Variants in KCNIP2 observed in about 807,000 individuals in gnomAD.
The protein encoded by KCNIP2 is potassium voltage-gated channel interacting protein 2.
A neutral mutation model predicts 39.0 loss-of-function variants in KCNIP2; 19 were observed. That is an observed-to-expected ratio of 0.49 (90% CI 0.34 to 0.71). The LOEUF is 0.71. Among genes scored for constraint, KCNIP2 ranks in the 30% least tolerant of loss-of-function variants. The pLI, the probability that KCNIP2 is intolerant of heterozygous loss-of-function variation, is 0.01. For missense variants in KCNIP2, 261 were observed against 346.0 expected, an observed-to-expected ratio of 0.75 and a Z score of 1.95; for synonymous variants, 111 against 131.2, an observed-to-expected ratio of 0.85 and a Z score of 1.05.
intron 2 of KCNIP2, chr10:101,830,566 C>T (rs2065938473): frequency 4.1e-6 from 3 of 729,538 alleles, no homozygotes; most frequent in South Asian, 3.7e-5. Context: ...TGACACACAC[C>T]CGCTCCCAAC....
At chr10:101,827,581 A>G (rs1355371948) in intron 9 of KCNIP2, 108 bp downstream of exon 9, 7 of 1,370,592 alleles carry the variant, frequency 5.1e-6, no homozygotes, top group Admixed American at 1.7e-5. Flanking sequence ...GGATTGAAAT[A>G]TGGGGGTGAG....
At position 101,827,416 on chromosome 10, in the gene KCNIP2, G is replaced by A. The variant is rs1462235585; in HGVS notation, c.766-16C>T. 4 of 1,599,366 alleles carry A rather than the reference G, an allele frequency of 2.5e-6. No individual in the cohort carries two copies. The highest frequency in any genetic ancestry group is 3.4e-6 in the Non-Finnish European group (4 of 1,169,142). On this transcript the variant is annotated splice_polypyrimidine_tract_variant and intron_variant, in intron 9 of 9. Coordinates refer to ENST00000356640, the MANE Select transcript of KCNIP2 (RefSeq NM_173191.3). ...TGTTCTCATCCTGTGGCCATGATGT[G>A]AGCGAGGCAGATTGAAGAGAGAGAA...
At chr10:101,829,973 A>C in intron 2 of KCNIP2, 76 bp from the exon 3 acceptor site, 3 of 1,507,102 alleles carry the variant, frequency 2.0e-6, no homozygotes, top group Non-Finnish European at 2.7e-6. Context: ...CCTCACACTC[A>C]GAGCAAACCT....
At chr10:101,830,586 C>T in intron 2 of KCNIP2, 1 of 579,018 alleles carries the variant, frequency 1.7e-6, no homozygotes, top group Non-Finnish European at 2.7e-6. Flanking sequence ...CTGACCACGC[C>T]CACACACGCT....
At chr10:101,829,698 C>CCCCCA in intron 3 of KCNIP2, 146 bp downstream of exon 3, 1 of 486,284 alleles carries the variant, frequency 2.1e-6, no homozygotes, top group Non-Finnish European at 3.5e-6. Context: ...CCCCGCCCAG[C>CCCCCA]TCAGCCAACC....
chr10:101,841,500 A>G (rs904576922), intron 1 of KCNIP2, among the ~76,000 whole-genome samples: 16 of 152,092 alleles, frequency 1.1e-4, no homozygotes, highest in Middle Eastern at 3.2e-3. Flanking sequence ...TGGTAGTCCT[A>G]TTTCTACTTT....
In KCNIP2 at chr10:101,827,903, C is replaced by T. The variant is rs1382030903; in HGVS notation, c.688G>A (p.Glu230Lys). 3.1e-6 allele frequency: 5 copies of T among 1,613,364 alleles called. No individual in the cohort carries two copies. Among genetic ancestry groups the T allele is most frequent in the Non-Finnish European group, 4.2e-6 (5 of 1,179,404 alleles). ...CTCCCAAGTACCTGGAAGAAGCTCTCCACGTGTTCCCTTGGGGCCTCCTCC... is the reference window on the plus strand; with the variant it reads ...CTCCCAAGTACCTGGAAGAAGCTCTTCACGTGTTCCCTTGGGGCCTCCTCC... ...LREEAPREHV[E>K]SFFQKMDRNK... Residue 230 changes from glutamate (E) to lysine (K), a missense_variant, in exon 8 of 10, where the codon GAG (glutamate) becomes AAG (lysine). Glu to Lys is a moderately conservative substitution (Grantham distance 56). Coordinates refer to ENST00000356640, the MANE Select transcript of KCNIP2 (RefSeq NM_173191.3).
chr10:101,835,760 G>T (rs1355564548), intron 1 of KCNIP2, among the ~76,000 whole-genome samples: 3 of 152,104 alleles, frequency 2.0e-5, no homozygotes, highest in African/African-American at 7.2e-5. Flanking sequence ...ACCGCTGCTG[G>T]CTAACGGTGA....
Position 101,827,930 on chromosome 10 carries a change from G to A in KCNIP2, c.661C>T (p.Arg221Trp), listed in dbSNP as rs201481729. 1.1e-5 allele frequency: 17 copies of A among 1,613,924 alleles called. No homozygotes were observed. Among genetic ancestry groups the A allele is most frequent in the Non-Finnish European group, 9.3e-6 (11 of 1,179,942 alleles). ...ACGTGTTCCCTTGGGGCCTCCTCCCGGAGTGCAGGGTACGTGTACTTGCCC... is the reference window on the plus strand; with the variant it reads ...ACGTGTTCCCTTGGGGCCTCCTCCCAGAGTGCAGGGTACGTGTACTTGCCC... ...MMGKYTYPAL[R>W]EEAPREHVES... Residue 221 changes from arginine (R) to tryptophan (W), a missense_variant, in exon 8 of 10, where the codon CGG (arginine) becomes TGG (tryptophan). By Grantham distance (101) the Arg-to-Trp change is moderately radical (BLOSUM62 -3). Coordinates refer to ENST00000356640, the MANE Select transcript of KCNIP2 (RefSeq NM_173191.3).
At position 101,827,158 on chromosome 10, in the gene KCNIP2, C is replaced by T. The variant is rs1446690006; in HGVS notation, c.*195G>A. The stretch of plus-strand genomic sequence containing the variant: ...GCTGGTGGGAGTTGGGAACACCCCC[C>T]GAGATGCACTCTGCCCACTCTCTGG... On this transcript the variant is annotated 3_prime_UTR_variant, in exon 10 of 10. Transcript: ENST00000356640. 11 of 1,271,390 alleles carry T rather than the reference C, an allele frequency of 8.7e-6. No individual in the cohort carries two copies. Among genetic ancestry groups the T allele is most frequent in the Non-Finnish European group, 1.0e-5 (10 of 1,000,278 alleles). 78.8% of individuals were successfully genotyped at this position (1,271,390 alleles called of 1,614,324 possible). A position where few individuals can be genotyped will look rare whatever the true frequency, so the allele number is the denominator to read the frequency against.
At chr10:101,840,401 A>G (rs1300395236) in intron 1 of KCNIP2, among the ~76,000 whole-genome samples, 1 of 151,980 alleles carries the variant, frequency 6.6e-6, no homozygotes, top group Non-Finnish European at 1.5e-5. Flanking sequence ...AAGAGGCAGC[A>G]GAGTTGTGCC....
In KCNIP2 at chr10:101,831,300, A is replaced by T. The variant is rs924300896; in HGVS notation, c.74-133T>A. On this transcript the variant is annotated intron_variant, in intron 1 of 9. Coordinates refer to ENST00000356640, the MANE Select transcript of KCNIP2 (RefSeq NM_173191.3). ...GGGAGGAATTAAGGGGAGGAAAGGA[A>T]TGGCAAGGGTGGTTGGAATCGGGTT... The T allele has an allele frequency of 2.4e-5, 17 of 696,496 alleles. No homozygotes were observed. The African/African-American group carries it at 2.9e-4, about 12-fold the overall frequency. The allele number at this position is 696,496 out of a possible 1,614,324, so 43.1% of individuals were successfully genotyped here.
chr10:101,840,763 T>C (rs937861121), intron 1 of KCNIP2, among the ~76,000 whole-genome samples: 4 of 152,140 alleles, frequency 2.6e-5, no homozygotes, highest in Non-Finnish European at 1.5e-5. Flanking sequence ...ACCTCCTAAC[T>C]CTGGGCAAAT....
At chr10:101,840,546 C>A (rs1263778294) in intron 1 of KCNIP2, among the ~76,000 whole-genome samples, 1 of 30,670 alleles carries the variant, frequency 3.3e-5, no homozygotes, top group Non-Finnish European at 6.4e-5. Context: ...AGAGCCCCCC[C>A]CGCACCCCCC....
rs1256667205 is a variant in KCNIP2 at position 101,829,290 on chromosome 10, C to T, written c.224-91G>A. The T allele has an allele frequency of 2.0e-5, 28 of 1,429,114 alleles. No homozygotes were observed. In the South Asian group the frequency reaches 3.3e-4, roughly 17 times the overall value. 88.5% of individuals were successfully genotyped at this position (1,429,114 alleles called of 1,614,324 possible). A position where few individuals can be genotyped will look rare whatever the true frequency, so the allele number is the denominator to read the frequency against. ...CCCCATTCACCCCCTCCCCGCCCCC[C>T]GGTCCCATCCGATGCCGGAGACCAG... On this transcript the variant is annotated intron_variant, in intron 3 of 9. Transcript: ENST00000356640.
rs1310709298 is a variant in KCNIP2, at chr10:101,843,285, T to A, written c.73+211A>T. Among the ~76,000 whole-genome samples, 1 of 152,188 alleles carries A rather than the reference T, an allele frequency of 6.6e-6. No homozygotes were observed. Among genetic ancestry groups the A allele is most frequent in the African/African-American group, 2.4e-5 (1 of 41,450 alleles). On this transcript the variant is annotated intron_variant, in intron 1 of 9. Coordinates refer to ENST00000356640, the MANE Select transcript of KCNIP2 (RefSeq NM_173191.3). The surrounding 1 kb of genome is among the most constrained non-coding windows in gnomAD (Gnocchi z 6.7). ...CTGTGTCACATACGCCCACACCTGC[T>A]GCCTCTCCACACCTGCCTCTTCTGT... is the stretch of plus-strand genomic sequence containing the variant.
rs758477233 is a variant in KCNIP2, at chr10:101,827,737, G to T, written c.717C>A (p.Asn239Lys). The change falls in exon 9 of 10, where the codon AAC (asparagine) becomes AAA (lysine). Residue 239 changes from asparagine (N) to lysine (K), a missense_variant. Physicochemically the swap from Asn to Lys is moderately conservative, Grantham distance 94. Coordinates refer to ENST00000356640, the MANE Select transcript of KCNIP2 (RefSeq NM_173191.3). The stretch of plus-strand genomic sequence containing the variant: ...CCTCAATGGTCACCACACCATCCTT[G>T]TTTCTGTCCATCTTCTGCAAGAAGG... ...VESFFQKMDRNKDGVVTIEEF... is the reference protein window; with the variant it reads ...VESFFQKMDRKKDGVVTIEEF... The T allele has an allele frequency of 6.2e-7, 1 of 1,613,494 alleles. No homozygotes were observed. The highest frequency in any genetic ancestry group is 1.1e-5 in the South Asian group (1 of 91,072).
intron 1 of KCNIP2, among the ~76,000 whole-genome samples, chr10:101,835,369 A>G (rs2066121117): frequency 6.6e-6 from 1 of 152,078 alleles, no homozygotes; most frequent in Admixed American, 6.5e-5. Flanking sequence ...CTAGGCAGAA[A>G]AAGGCCACTT....
At chr10:101,837,076 A>G (rs1251255171) in intron 1 of KCNIP2, among the ~76,000 whole-genome samples, 4 of 152,196 alleles carry the variant, frequency 2.6e-5, no homozygotes, top group African/African-American at 7.2e-5. Context: ...GTGCCACTGT[A>G]CTTCAGCCTA....
Sources: allele counts gnomAD v4.1 joint callset (sites outside exome capture counted in the v4.1 genomes callset), GRCh38; gene constraint gnomAD v4.1.1; non-coding constraint Gnocchi (gnomAD v3.1); transcripts MANE v1.5; gene names NCBI Gene and HGNC (gene_info 2026-07-23, HGNC 2026-07-21).